The following SDCCAG8 variants were observed in gnomAD, a reference collection of about 807,000 sequenced individuals.
The protein encoded by SDCCAG8 is SHH signaling and ciliogenesis regulator SDCCAG8, also known as serologically defined colon cancer antigen 8.
A neutral mutation model predicts 101.8 loss-of-function variants in SDCCAG8; 74 were observed. That is an observed-to-expected ratio of 0.73 (90% CI 0.60 to 0.88). SDCCAG8 has a LOEUF of 0.88. SDCCAG8 is among the 40% of genes least tolerant of loss of function. The pLI, the probability that SDCCAG8 is intolerant of heterozygous loss-of-function variation, is 0.00. For missense variants in SDCCAG8, 787 were observed against 822.6 expected, an observed-to-expected ratio of 0.96 and a Z score of 0.53; for synonymous variants, 281 against 292.9, an observed-to-expected ratio of 0.96 and a Z score of 0.41.
intron 16 of SDCCAG8, among the ~76,000 whole-genome samples, chr1:243,457,670 A>C (rs1004093182): frequency 2.0e-5 from 3 of 152,208 alleles, no homozygotes; most frequent in Non-Finnish European, 4.4e-5. Flanking sequence ...TTTTTCATGC[A>C]TTTTATGAAG....
At chr1:243,349,185 A>G (rs764212342) in intron 12 of SDCCAG8, among the ~76,000 whole-genome samples, 21 of 152,330 alleles carry the variant, frequency 1.4e-4, no homozygotes, top group Non-Finnish European at 2.8e-4. Flanking sequence ...GATTTTGCAT[A>G]CTAATATATG....
intron 16 of SDCCAG8, among the ~76,000 whole-genome samples, chr1:243,429,672 G>A (rs1159451655): frequency 6.7e-6 from 1 of 149,174 alleles, no homozygotes. Flanking sequence ...AGGGCTACAG[G>A]TACATACCAC....
chr1:243,332,210 G>A (rs1014317455), intron 10 of SDCCAG8, among the ~76,000 whole-genome samples: 1 of 152,208 alleles, frequency 6.6e-6, no homozygotes, highest in Non-Finnish European at 1.5e-5. Context: ...GTGGGAATGA[G>A]TTTGGAGAAT....
chr1:243,373,657 T>G (rs902209782), intron 12 of SDCCAG8, among the ~76,000 whole-genome samples: 4 of 152,130 alleles, frequency 2.6e-5, no homozygotes, highest in Non-Finnish European at 5.9e-5. Flanking sequence ...GAGCTAAACA[T>G]AAATCTATTT....
At chr1:243,463,839 C>T (rs543681054) in intron 16 of SDCCAG8, among the ~76,000 whole-genome samples, 1 of 152,090 alleles carries the variant, frequency 6.6e-6, no homozygotes, top group East Asian at 1.9e-4. Context: ...GACCGTTCTG[C>T]CAGTAGGGCA....
chr1:243,482,860 G>T (rs1664021620), intron 16 of SDCCAG8, among the ~76,000 whole-genome samples: 1 of 152,168 alleles, frequency 6.6e-6, no homozygotes, highest in South Asian at 2.1e-4. Flanking sequence ...GGGAAAGAAG[G>T]GTCTGAATTA....
In SDCCAG8 at chr1:243,396,259, T is replaced by A. The variant is rs572741204; in HGVS notation, c.1616+17396T>A. Among the ~76,000 whole-genome samples, 8 of 152,302 alleles carry A rather than the reference T, an allele frequency of 5.3e-5. No homozygotes were observed. The South Asian group carries it at 1.0e-3, about 20-fold the overall frequency. ...AATAAATTCAATTGAGAGTATAATTTTCACCTAATTTCTATGAGTTTATTT... is the reference window on the plus strand; with the variant it reads ...AATAAATTCAATTGAGAGTATAATTATCACCTAATTTCTATGAGTTTATTT... On this transcript the variant is annotated intron_variant, in intron 13 of 17. Coordinates refer to ENST00000366541, the MANE Select transcript of SDCCAG8 (RefSeq NM_006642.5).
intron 13 of SDCCAG8, among the ~76,000 whole-genome samples, chr1:243,414,433 G>A (rs1465064438): frequency 2.0e-5 from 3 of 152,132 alleles, no homozygotes; most frequent in African/African-American, 7.2e-5. Flanking sequence ...ATCCCGGGGG[G>A]AGGTGTTGTT....
At chr1:243,360,272 A>T in intron 12 of SDCCAG8, among the ~76,000 whole-genome samples, 1 of 146,102 alleles carries the variant, frequency 6.8e-6, no homozygotes, top group African/African-American at 2.5e-5. Flanking sequence ...CAGCCTCCCT[A>T]GTATCTGGGA....
intron 1 of SDCCAG8, among the ~76,000 whole-genome samples, chr1:243,265,530 A>G (rs2067512567): frequency 6.6e-6 from 1 of 152,236 alleles, no homozygotes; most frequent in South Asian, 2.1e-4. Context: ...ATCCTGCCCT[A>G]GGCCGGGCAT....
chr1:243,350,582 C>T (rs1325668163), intron 12 of SDCCAG8, among the ~76,000 whole-genome samples: 1 of 152,038 alleles, frequency 6.6e-6, no homozygotes, highest in Non-Finnish European at 1.5e-5. Flanking sequence ...AGAATTGTAC[C>T]TTTTACTTAG....
At chr1:243,495,749 G>A (rs1477394606) in intron 17 of SDCCAG8, among the ~76,000 whole-genome samples, 1 of 152,204 alleles carries the variant, frequency 6.6e-6, no homozygotes, top group African/African-American at 2.4e-5. Context: ...TGCCCAGCAT[G>A]CTGAGGGCAC....
intron 16 of SDCCAG8, among the ~76,000 whole-genome samples, chr1:243,486,938 A>T (rs1665035663): frequency 6.6e-6 from 1 of 150,506 alleles, no homozygotes; most frequent in Non-Finnish European, 1.5e-5. Context: ...GGGCTACCTC[A>T]GTTGCTCTTA....
chr1:243,496,153 T>C (rs1429364363), intron 17 of SDCCAG8, among the ~76,000 whole-genome samples: 7 of 152,106 alleles, frequency 4.6e-5, no homozygotes, highest in East Asian at 1.9e-4. Flanking sequence ...TTTGTACAGA[T>C]AGAAAAATAA....
chr1:243,259,791 C>T (rs565193157), intron 1 of SDCCAG8, among the ~76,000 whole-genome samples: 5 of 152,210 alleles, frequency 3.3e-5, no homozygotes, highest in South Asian at 4.2e-4. Flanking sequence ...GCTGAGATCG[C>T]GCCACTGCAC....
At chr1:243,475,626 A>G (rs1321428560) in intron 16 of SDCCAG8, among the ~76,000 whole-genome samples, 4 of 152,168 alleles carry the variant, frequency 2.6e-5, no homozygotes, top group Non-Finnish European at 2.9e-5. Flanking sequence ...TGCTTTCGCG[A>G]GGACCCAAGG....
intron 13 of SDCCAG8, among the ~76,000 whole-genome samples, chr1:243,386,098 C>A (rs1008708899): frequency 2.6e-5 from 4 of 152,246 alleles, no homozygotes; most frequent in African/African-American, 7.2e-5. Flanking sequence ...TGAGCCCCTG[C>A]TGTTCCAGGA....
intron 12 of SDCCAG8, among the ~76,000 whole-genome samples, chr1:243,356,232 T>A (rs530954901): frequency 6.6e-6 from 1 of 152,338 alleles, no homozygotes; most frequent in Non-Finnish European, 1.5e-5. Flanking sequence ...TATAGCTTTC[T>A]ATATATCTTA....
At chr1:243,263,276 T>A (rs2067327897) in intron 1 of SDCCAG8, among the ~76,000 whole-genome samples, 1 of 152,180 alleles carries the variant, frequency 6.6e-6, no homozygotes, top group African/African-American at 2.4e-5. Flanking sequence ...TGGCCTCTGG[T>A]AGGCAGAAGC....
Sources: allele counts gnomAD v4.1 joint callset (sites outside exome capture counted in the v4.1 genomes callset), GRCh38; gene constraint gnomAD v4.1.1; transcripts MANE v1.5; gene names NCBI Gene and HGNC (gene_info 2026-07-23, HGNC 2026-07-21).